DGKB: variants seen among roughly 807,000 people sequenced by gnomAD.
DGKB encodes diacylglycerol kinase beta.
In DGKB, 67 loss-of-function variants were observed where a neutral mutation model predicts 114.3. That is an observed-to-expected ratio of 0.59 (90% CI 0.48 to 0.72). DGKB has a LOEUF of 0.72. Ranked by LOEUF, DGKB falls within the 30% of genes least tolerant of loss-of-function variation. DGKB has a pLI of 0.00. For synonymous variants in DGKB, 398 were observed against 323.1 expected (o/e 1.23, Z -2.49); for missense variants, 907 against 975.2 (o/e 0.93, Z 0.93).
At chr7:14,747,560 T>G (rs1639233) in intron 4 of DGKB, among the ~76,000 whole-genome samples, 50,974 of 151,950 alleles carry the variant, frequency 0.34, 11,425 homozygotes, top group African/African-American at 0.62. Context: ...TTTCCTTAGA[T>G]CATGACTTAC....
At chr7:14,409,352 A>G (rs1455347499) in intron 21 of DGKB, among the ~76,000 whole-genome samples, 1 of 152,240 alleles carries the variant, frequency 6.6e-6, no homozygotes, top group Admixed American at 6.5e-5. Context: ...TGAGACCCAC[A>G]TGAAATGCTA....
chr7:14,349,410 T>C (rs1813063131), intron 21 of DGKB, among the ~76,000 whole-genome samples: 1 of 152,148 alleles, frequency 6.6e-6, no homozygotes, highest in African/African-American at 2.4e-5. Flanking sequence ...TTGGCTTGTA[T>C]AGAAATGATT....
chr7:14,478,001 C>G (rs1449307186), intron 21 of DGKB, among the ~76,000 whole-genome samples, 160 bp downstream of exon 21: 5 of 151,124 alleles, frequency 3.3e-5, no homozygotes, highest in Admixed American at 1.3e-4. Context: ...AAATTTAATT[C>G]ATTTATCCTA....
chr7:14,862,731 A>C (rs1851172011), intron 1 of DGKB, among the ~76,000 whole-genome samples: 1 of 152,142 alleles, frequency 6.6e-6, no homozygotes, highest in Non-Finnish European at 1.5e-5. Flanking sequence ...AAAAAAGCCA[A>C]AAGAAAAGAA....
chr7:14,960,107 A>C (rs1786755050), intron 1 of DGKB, among the ~76,000 whole-genome samples: 1 of 152,062 alleles, frequency 6.6e-6, no homozygotes, highest in Non-Finnish European at 1.5e-5. Flanking sequence ...TTGGAAGACA[A>C]CTGCGAAGTT....
At chr7:14,324,275 T>G (rs1808342217) in intron 23 of DGKB, among the ~76,000 whole-genome samples, 1 of 151,696 alleles carries the variant, frequency 6.6e-6, no homozygotes, top group South Asian at 2.1e-4. Context: ...ATGGTGAAAT[T>G]GTCTCTACTA....
At chr7:14,724,193 A>G (rs1829683284) in intron 5 of DGKB, among the ~76,000 whole-genome samples, 1 of 152,182 alleles carries the variant, frequency 6.6e-6, no homozygotes, top group Admixed American at 6.5e-5. Flanking sequence ...AGATTTATTT[A>G]TCACATAGTA....
At chr7:14,335,154 G>T (rs1418895622) in intron 23 of DGKB, among the ~76,000 whole-genome samples, 2 of 152,130 alleles carry the variant, frequency 1.3e-5, no homozygotes, top group Non-Finnish European at 2.9e-5. Flanking sequence ...TGTCTTCAAA[G>T]ATTGCAAGCA....
intron 13 of DGKB, among the ~76,000 whole-genome samples, chr7:14,643,880 A>G (rs1307718452): frequency 2.0e-5 from 3 of 152,170 alleles, no homozygotes; most frequent in Non-Finnish European, 4.4e-5. Context: ...TTCAAGCCCA[A>G]AAAACTGACC....
At chr7:14,277,273 C>A (rs911614372) in intron 23 of DGKB, among the ~76,000 whole-genome samples, 1 of 152,008 alleles carries the variant, frequency 6.6e-6, no homozygotes, top group African/African-American at 2.4e-5. Flanking sequence ...CAGGTTCAAG[C>A]GATTCTTGCA....
At chr7:14,503,118 C>T (rs530878481) in intron 20 of DGKB, among the ~76,000 whole-genome samples, 3 of 152,204 alleles carry the variant, frequency 2.0e-5, no homozygotes, top group African/African-American at 7.2e-5. Flanking sequence ...TGTGCTTCTA[C>T]CATTTTTTGT....
chr7:14,229,723 A>G (rs113855219), intron 23 of DGKB, among the ~76,000 whole-genome samples: 29 of 151,994 alleles, frequency 1.9e-4, no homozygotes, highest in African/African-American at 6.3e-4. Flanking sequence ...CTTATGATCA[A>G]TGACCATCCT....
intron 1 of DGKB, among the ~76,000 whole-genome samples, chr7:14,941,999 A>G (rs1785594034): frequency 6.6e-6 from 1 of 152,090 alleles, no homozygotes; most frequent in Admixed American, 6.6e-5. Flanking sequence ...TTGCAACCGA[A>G]TGAAAGTCTT....
At chr7:14,526,930 G>A (rs908001382) in intron 20 of DGKB, among the ~76,000 whole-genome samples, 1 of 152,000 alleles carries the variant, frequency 6.6e-6, no homozygotes, top group Non-Finnish European at 1.5e-5. Context: ...AGATCTAATT[G>A]GGTTTACACC....
At chr7:14,481,803 A>G (rs1783028036) in intron 20 of DGKB, among the ~76,000 whole-genome samples, 2 of 151,930 alleles carry the variant, frequency 1.3e-5, no homozygotes, top group Non-Finnish European at 2.9e-5. Context: ...ATTTACTAAA[A>G]AGTTTCAAAA....
chr7:14,639,355 A>C (rs150841201), intron 13 of DGKB, among the ~76,000 whole-genome samples: 28 of 152,336 alleles, frequency 1.8e-4, no homozygotes, highest in African/African-American at 6.0e-4. Context: ...AAAGGTAAGC[A>C]TCTCAGTGTC....
chr7:14,357,120 T>A (rs1376762269), intron 21 of DGKB, among the ~76,000 whole-genome samples: 2 of 152,190 alleles, frequency 1.3e-5, no homozygotes, highest in Non-Finnish European at 2.9e-5. Flanking sequence ...GTCTGCTTGG[T>A]GCAGAACTGA....
intron 21 of DGKB, among the ~76,000 whole-genome samples, chr7:14,465,952 C>A (rs1023515610): frequency 6.6e-6 from 1 of 151,794 alleles, no homozygotes; most frequent in Non-Finnish European, 1.5e-5. Flanking sequence ...CATTATCCAT[C>A]GGATTTGCAT....
At chr7:14,924,329 T>C (rs918116741) in intron 1 of DGKB, among the ~76,000 whole-genome samples, 2 of 152,152 alleles carry the variant, frequency 1.3e-5, no homozygotes, top group African/African-American at 4.8e-5. Context: ...AGAAGGCAAA[T>C]TCTATTTTCT....
Sources: allele counts gnomAD v4.1 joint callset (sites outside exome capture counted in the v4.1 genomes callset), GRCh38; gene constraint gnomAD v4.1.1; transcripts MANE v1.5; gene names NCBI Gene and HGNC (gene_info 2026-07-23, HGNC 2026-07-21).